SLC9A9: variants seen among roughly 807,000 people sequenced by gnomAD.
The protein encoded by SLC9A9 is solute carrier family 9 member A9.
In SLC9A9, 62 loss-of-function variants were observed where a neutral mutation model predicts 77.8. That is an observed-to-expected ratio of 0.80 (90% CI 0.65 to 0.98). The LOEUF (loss-of-function observed/expected upper bound fraction) is 0.98, where lower values mean the gene tolerates loss of function less well. SLC9A9 is among the 50% of genes least tolerant of loss of function. The probability of loss-of-function intolerance (pLI) is 0.00; values close to 1 mark genes in which losing one functional copy is unlikely to be tolerated. For synonymous variants in SLC9A9, 320 were observed against 283.5 expected (o/e 1.13, Z -1.29); for missense variants, 775 against 774.9 (o/e 1.00, Z 0.00).
chr3:143,574,384 C>G (rs1355565205), intron 7 of SLC9A9, among the ~76,000 whole-genome samples, 191 bp from the exon 8 acceptor site: 1 of 152,144 alleles, frequency 6.6e-6, no homozygotes, highest in African/African-American at 2.4e-5. Context: ...CATGCTTCAC[C>G]GGGGGCTGAA....
At chr3:143,381,201 T>C (rs548544745) in intron 13 of SLC9A9, 1 of 152,206 alleles carries the variant, frequency 6.6e-6, no homozygotes, top group Non-Finnish European at 1.5e-5. Flanking sequence ...AAACCTCATC[T>C]TGAATTCTAA....
intron 6 of SLC9A9, among the ~76,000 whole-genome samples, chr3:143,611,605 ATAAAATATGTCT>A (rs1160418339): frequency 6.6e-6 from 1 of 152,250 alleles, no homozygotes; most frequent in African/African-American, 2.4e-5. Flanking sequence ...CTAGAAGACA[ATAAAATATGTCT>A]TAATTACAGC....
chr3:143,650,156 C>T lies in SLC9A9; in HGVS notation c.755+2099G>A, dbSNP rs145345192. Among the ~76,000 whole-genome samples, 11 of 152,206 alleles carry T rather than the reference C, an allele frequency of 7.2e-5. No individual in the cohort carries two copies. The East Asian group carries it at 2.1e-3, about 29-fold the overall frequency. The stretch of plus-strand genomic sequence containing the variant: ...TGTTCAAAGGCATCGAGATACCACT[C>T]AGAGAGTTGTGTCAGGGTGCTATAC... On this transcript the variant is annotated intron_variant, in intron 6 of 15. Transcript: ENST00000316549.
At chr3:143,805,767 A>G (rs754313781) in intron 2 of SLC9A9, among the ~76,000 whole-genome samples, 23 of 151,950 alleles carry the variant, frequency 1.5e-4, no homozygotes, top group Non-Finnish European at 3.2e-4. Flanking sequence ...CTTTGACTGT[A>G]ATTTTCCATT....
intron 6 of SLC9A9, among the ~76,000 whole-genome samples, chr3:143,612,532 G>C (rs1372554878): frequency 2.0e-5 from 3 of 152,206 alleles, no homozygotes; most frequent in Non-Finnish European, 4.4e-5. Context: ...CACCAACATG[G>C]ATGCCTGATC....
At chr3:143,530,283 C>T (rs967916909) in intron 9 of SLC9A9, among the ~76,000 whole-genome samples, 5 of 152,162 alleles carry the variant, frequency 3.3e-5, no homozygotes, top group African/African-American at 9.7e-5. Flanking sequence ...GGGGGGGACC[C>T]GGTGAGAGAT....
chr3:143,646,851 T>G (rs2038715275), intron 6 of SLC9A9, among the ~76,000 whole-genome samples: 1 of 152,204 alleles, frequency 6.6e-6, no homozygotes, highest in Admixed American at 6.5e-5. Flanking sequence ...CAAGTATGAT[T>G]ATTCTTTTTT....
At chr3:143,301,399 C>A (rs527788658) in intron 14 of SLC9A9, among the ~76,000 whole-genome samples, 1 of 152,124 alleles carries the variant, frequency 6.6e-6, no homozygotes, top group African/African-American at 2.4e-5. Context: ...AGCAAGAGGG[C>A]GGAAATGATT....
intron 4 of SLC9A9, among the ~76,000 whole-genome samples, chr3:143,759,394 T>C (rs1338764014): frequency 7.0e-5 from 10 of 142,202 alleles, no homozygotes; most frequent in Non-Finnish European, 1.3e-4. Flanking sequence ...TCAGTCTGAT[T>C]GGTCTTATTT....
chr3:143,584,531 G>A (rs1559980020), intron 6 of SLC9A9, among the ~76,000 whole-genome samples: 1 of 152,116 alleles, frequency 6.6e-6, no homozygotes, highest in Admixed American at 6.5e-5. Context: ...AGTCATTACA[G>A]AAAAAATGAG....
At position 143,433,962 on chromosome 3, in the gene SLC9A9, G is replaced by A. The variant is rs73144780; in HGVS notation, c.1469+33075C>T. Among the ~76,000 whole-genome samples, 846 of 152,234 alleles carry A rather than the reference G, an allele frequency of 5.6e-3. 5 individuals carry two copies. The highest frequency in any genetic ancestry group is 8.9e-3 in the Non-Finnish European group (606 of 68,016). ...TTCACTGTCTACCTCTCTAGGGGGC[G>A]CTGTGGTTTGGATGAAGCTTTCCTG... On this transcript the variant is annotated intron_variant, in intron 12 of 15. Coordinates refer to ENST00000316549, the MANE Select transcript of SLC9A9 (RefSeq NM_173653.4).
chr3:143,700,729 C>T (rs542643245), intron 4 of SLC9A9, among the ~76,000 whole-genome samples: 5 of 152,340 alleles, frequency 3.3e-5, no homozygotes, highest in African/African-American at 1.2e-4. Flanking sequence ...ACATCCAGGG[C>T]TTAGGGGAAC....
chr3:143,677,753 G>A (rs567508655), intron 5 of SLC9A9, among the ~76,000 whole-genome samples: 43 of 151,486 alleles, frequency 2.8e-4, no homozygotes, highest in Admixed American at 5.9e-4. Flanking sequence ...TGACTTCTTG[G>A]AAGTTTGAAT....
intron 12 of SLC9A9, among the ~76,000 whole-genome samples, chr3:143,427,615 A>T (rs954586806): frequency 1.3e-5 from 2 of 152,232 alleles, no homozygotes; most frequent in Non-Finnish European, 2.9e-5. Flanking sequence ...TGGTTTCAGA[A>T]AACTTAAGAC....
chr3:143,622,169 G>C (rs2038229012), intron 6 of SLC9A9, among the ~76,000 whole-genome samples: 2 of 152,202 alleles, frequency 1.3e-5, no homozygotes, highest in African/African-American at 4.8e-5. Context: ...GGGGAGAATG[G>C]AACCAAGTTG....
intron 3 of SLC9A9, among the ~76,000 whole-genome samples, chr3:143,795,639 A>G (rs987109376): frequency 6.6e-6 from 1 of 152,266 alleles, no homozygotes. Context: ...GGCTGAAGGA[A>G]GATTGTTTGA....
chr3:143,716,197 C>T (rs1187110047), intron 4 of SLC9A9, among the ~76,000 whole-genome samples: 1 of 152,112 alleles, frequency 6.6e-6, no homozygotes, highest in African/African-American at 2.4e-5. Context: ...GCCTCAGCCT[C>T]CTGAGTAGCT....
At chr3:143,769,318 C>T (rs1027003794) in intron 4 of SLC9A9, among the ~76,000 whole-genome samples, 6 of 152,162 alleles carry the variant, frequency 3.9e-5, no homozygotes, top group African/African-American at 9.6e-5. Flanking sequence ...CTGTATTATA[C>T]GTTTCCTATA....
At chr3:143,499,159 C>G (rs1391312932) in intron 9 of SLC9A9, among the ~76,000 whole-genome samples, 1 of 152,142 alleles carries the variant, frequency 6.6e-6, no homozygotes, top group Admixed American at 6.5e-5. Flanking sequence ...CTTGATATTG[C>G]CACTTGAACT....
Sources: gnomAD v4.1 joint callset for allele counts (sites outside exome capture counted in the v4.1 genomes callset) on GRCh38, gnomAD v4.1.1 for gene constraint, MANE v1.5 for transcripts, NCBI Gene and HGNC (gene_info 2026-07-23, HGNC 2026-07-21) for gene names.